Variants in MIDEAS observed in about 807,000 individuals in gnomAD.
The protein encoded by MIDEAS is mitotic deacetylase associated SANT domain protein.
MIDEAS carries 26 observed loss-of-function variants against 102.7 expected under a neutral mutation model. The ratio of observed to expected loss-of-function variants is 0.25; its 90% CI spans 0.19 to 0.35. MIDEAS has a LOEUF of 0.35. Among genes scored for constraint, MIDEAS ranks in the 10% least tolerant of loss-of-function variants. The probability of loss-of-function intolerance (pLI) is 1.00; values close to 1 mark genes in which losing one functional copy is unlikely to be tolerated. For synonymous variants in MIDEAS, 585 were observed against 591.0 expected (o/e 0.99, Z 0.15); for missense variants, 1,231 against 1,435.6 (o/e 0.86, Z 2.30).
chr14:73,761,094 T>TGGC (rs892797732), upstream of MIDEAS, among the ~76,000 whole-genome samples: 3 of 151,726 alleles, frequency 2.0e-5, no homozygotes, highest in Admixed American at 1.3e-4. Context: ...GTGGTGGTGG[T>TGGC]GGCGGCGGCG....
At chr14:73,773,355 C>T (rs1198681783) in intron 1 of MIDEAS, among the ~76,000 whole-genome samples, 1 of 151,566 alleles carries the variant, frequency 6.6e-6, no homozygotes, top group Non-Finnish European at 1.5e-5. Context: ...GGAGAGATGA[C>T]GAAGGAGGAC....
At chr14:73,764,208 C>T (rs148577486), upstream of MIDEAS, among the ~76,000 whole-genome samples, 799 of 151,962 alleles carry the variant, frequency 5.3e-3, 6 homozygotes, top group African/African-American at 0.013. Context: ...GGTGTGATGG[C>T]GCACGTCTGT....
chr14:73,721,633 T>C (rs1285203577), intron 10 of MIDEAS, 124 bp from the exon 11 acceptor site: 9 of 797,054 alleles, frequency 1.1e-5, no homozygotes, highest in Middle Eastern at 2.6e-4. Flanking sequence ...TGGCCCAGCA[T>C]AGTCTTCTGT....
At chr14:73,756,092 C>T (rs998404334) in intron 1 of MIDEAS, among the ~76,000 whole-genome samples, 1 of 152,082 alleles carries the variant, frequency 6.6e-6, no homozygotes, top group African/African-American at 2.4e-5. Flanking sequence ...TCCCACGCAC[C>T]CATCAGACTT....
intron 1 of MIDEAS, 141 bp from the exon 2 acceptor site, chr14:73,740,396 C>G (rs2053268054): frequency 1.5e-5 from 6 of 397,338 alleles, no homozygotes; most frequent in Non-Finnish European, 2.7e-5. Context: ...AGTCACAGAG[C>G]AGCATTGGTG....
At chr14:73,735,697 A>G (rs773270592) in intron 3 of MIDEAS, among the ~76,000 whole-genome samples, 16 of 152,210 alleles carry the variant, frequency 1.1e-4, no homozygotes, top group Admixed American at 9.8e-4. Context: ...TATCAGACAA[A>G]CCTGACTTTA....
chr14:73,758,316 G>T (rs1265836806), intron 1 of MIDEAS, among the ~76,000 whole-genome samples: 1 of 152,222 alleles, frequency 6.6e-6, no homozygotes, highest in African/African-American at 2.4e-5. Context: ...TGATCCAAAA[G>T]GGGCGTGTGC....
intron 2 of MIDEAS, 139 bp downstream of exon 2, chr14:73,738,421 G>A: frequency 1.1e-6 from 1 of 951,186 alleles, no homozygotes; most frequent in Non-Finnish European, 1.4e-6. Context: ...GGTGAAGGGT[G>A]GTCTTTGTAC....
At position 73,777,002 on chromosome 14, in the gene MIDEAS, G is replaced by A. The variant is rs575427110; in HGVS notation, c.-248+10100C>T. Among the ~76,000 whole-genome samples the A allele has an allele frequency of 1.6e-3, 247 of 151,852 alleles. 4 individuals are homozygous for A. Among genetic ancestry groups the A allele is most frequent in the African/African-American group, 5.4e-3 (222 of 41,460 alleles). ...ACAGAATAGTTTGAACCCGGGAGGC[G>A]GAGGTTGCAGTGAGCCGAGATCACG... On this transcript the variant is annotated intron_variant, in intron 1 of 11. Coordinates refer to the MIDEAS transcript ENST00000394071.
chr14:73,736,837 T>C lies in MIDEAS; in HGVS notation c.1749+161A>G, dbSNP rs117227883. Reference sequence around the variant, plus strand: ...GGAGGGGGACATCTCCAAATGCCCCTTCTGGACGTCTGTCCAGAAGTTTGG... The same window carrying C: ...GGAGGGGGACATCTCCAAATGCCCCCTCTGGACGTCTGTCCAGAAGTTTGG... On this transcript the variant is annotated intron_variant, in intron 3 of 12. Transcript: ENST00000423556. Among the ~76,000 whole-genome samples, 190 of 152,290 alleles carry C rather than the reference T, an allele frequency of 1.2e-3. 1 individual carries two copies. The highest frequency in any genetic ancestry group is 2.1e-3 in the Non-Finnish European group (142 of 68,012).
rs1373236062 is a variant in MIDEAS, at chr14:73,759,499, C to T, written c.-248+264G>A. On this transcript the variant is annotated intron_variant, in intron 1 of 12. Transcript: ENST00000423556. This position sits in a 1 kb window ranked among gnomAD's most constrained non-coding sequence, Gnocchi z 6.7. ...ACAAACACCGCGGGGCTGCGCTGCA[C>T]ACGCAGCTGCGGGCCGAGGGCGCGG... 6.6e-6 allele frequency among the ~76,000 whole-genome samples: 1 copy of T among 150,696 alleles called. No homozygotes were observed. The highest frequency in any genetic ancestry group is 2.4e-5 in the African/African-American group (1 of 41,236).
intron 1 of MIDEAS, among the ~76,000 whole-genome samples, chr14:73,778,595 G>C (rs1270486677): frequency 6.6e-6 from 1 of 151,930 alleles, no homozygotes; most frequent in Non-Finnish European, 1.5e-5. Context: ...GTGCTATGGG[G>C]AGGCCACAGA....
At position 73,755,930 on chromosome 14, in the gene MIDEAS, A is replaced by C. The variant is rs138354784; in HGVS notation, c.-248+3833T>G. ...AGTATGTGTCATTCACTCTGCATGC[A>C]TAATCCTGTCTAATCTTCACAGCCT... On this transcript the variant is annotated intron_variant, in intron 1 of 12. Transcript: ENST00000423556. 1.4e-3 allele frequency among the ~76,000 whole-genome samples: 214 copies of C among 152,322 alleles called. 6 individuals carry two copies. The East Asian group carries it at 0.03, about 22-fold the overall frequency.
chr14:73,734,434 G>T (rs918332449), intron 3 of MIDEAS, among the ~76,000 whole-genome samples: 3 of 152,122 alleles, frequency 2.0e-5, no homozygotes, highest in African/African-American at 7.2e-5. Context: ...TTGAAAAGGG[G>T]TCTCACTTTG....
At chr14:73,756,623 C>A (rs1327284806) in intron 1 of MIDEAS, among the ~76,000 whole-genome samples, 1 of 152,126 alleles carries the variant, frequency 6.6e-6, no homozygotes, top group African/African-American at 2.4e-5. Context: ...AGAATGGAGC[C>A]CCAGGCTGCT....
rs189951731 is a variant in MIDEAS at position 73,737,008 on chromosome 14, G to A, written c.1739C>T (p.Ala580Val). ...GGGCGCCTCTCATACCTGAGCTTGA[G>A]CATCTGTCCCGGGGATTCGGGTGGA... ...RRSTRIPGTD[A>V]QAQAEDMNVK... The change falls in exon 3 of 13, where the codon GCT becomes GTT. Residue 580 changes from alanine (A) to valine (V), a missense_variant. This residue lies in a region of MIDEAS where 758 missense variants were observed against 856.0 expected (regional missense o/e 0.89). Coordinates refer to ENST00000423556, the MANE Select transcript of MIDEAS (RefSeq NM_001367710.1). The A allele has an allele frequency of 2.1e-4, 341 of 1,611,634 alleles. 2 individuals carry two copies. The highest frequency in any genetic ancestry group is 2.4e-5 in the Non-Finnish European group (28 of 1,178,626).
chr14:73,767,957 A>G (rs539085217), intron 1 of MIDEAS, among the ~76,000 whole-genome samples: 1 of 151,988 alleles, frequency 6.6e-6, no homozygotes, highest in African/African-American at 2.4e-5. Flanking sequence ...TCAGGACTTC[A>G]AGACCAGCCT....
chr14:73,769,060 T>C lies in MIDEAS; in HGVS notation c.-248+18042A>G, dbSNP rs540496773. ...CTGAGTGCGTAACTCCTGGGCCAGA[T>C]GCATTCCAGTGCCCCCTCCAGCTCT... On this transcript the variant is annotated intron_variant, in intron 1 of 11. Transcript: ENST00000394071. Among the ~76,000 whole-genome samples the C allele has an allele frequency of 2.6e-5, 4 of 152,346 alleles. No individual in the cohort carries two copies. In the South Asian group the frequency reaches 8.3e-4, roughly 32 times the overall value.
At chr14:73,779,596 A>G (rs1003761097) in intron 1 of MIDEAS, among the ~76,000 whole-genome samples, 2 of 119,660 alleles carry the variant, frequency 1.7e-5, no homozygotes, top group African/African-American at 3.4e-5. Context: ...TTTGAGACGG[A>G]GTCTCGCTCT....
Sources: gnomAD v4.1 joint callset for allele counts (sites outside exome capture counted in the v4.1 genomes callset) on GRCh38, gnomAD v4.1.1 for gene constraint, gnomAD v4.1.1 regional missense constraint, Gnocchi (gnomAD v3.1) non-coding constraint, MANE v1.5 for transcripts, NCBI Gene and HGNC (gene_info 2026-07-23, HGNC 2026-07-21) for gene names.